Variants in PHC3 observed in about 807,000 individuals in gnomAD.
PHC3 encodes the protein polyhomeotic homolog 3, also known as polyhomeotic-like protein 3.
In PHC3, 13 loss-of-function variants were observed where a neutral mutation model predicts 107.4. The observed-to-expected ratio is 0.12, with a 90% CI of 0.08 to 0.19. The LOEUF is 0.19. PHC3 is among the 10% of genes least tolerant of loss of function. The pLI is 1.00. For synonymous variants in PHC3, 456 were observed against 427.4 expected (o/e 1.07, Z -0.83); for missense variants, 992 against 1,210.9 (o/e 0.82, Z 2.68).
In PHC3 at chr3:170,134,147, T is replaced by TA. The variant is rs1253102265; in HGVS notation, c.919+2271dup. Among the ~76,000 whole-genome samples, 1,273 of 145,510 alleles carry TA rather than the reference T, an allele frequency of 8.7e-3. 10 individuals carry two copies. Among genetic ancestry groups the TA allele is most frequent in the Middle Eastern group, 0.018 (5 of 282 alleles). ...GAGCAGCGCCTAGCACACAGAGGTT[T>TA]AAAAAAAAAAAATAAGAATTCGTGT... On this transcript the variant is annotated intron_variant, in intron 7 of 14. Transcript: ENST00000495893.
chr3:170,107,219 TA>T (rs35837798), intron 11 of PHC3, among the ~76,000 whole-genome samples: 3 of 151,596 alleles, frequency 2.0e-5, no homozygotes, highest in Admixed American at 6.6e-5. Flanking sequence ...ATCTAAAATG[TA>T]AAAAAAAATT....
chr3:170,136,868 AT>A (rs149908809), intron 6 of PHC3, among the ~76,000 whole-genome samples: 3,334 of 152,030 alleles, frequency 0.022, 59 homozygotes, highest in Non-Finnish European at 0.032. Context: ...TTAAGTGGCA[AT>A]TTTTTAAAAG....
chr3:170,133,616 C>A (rs549540258), intron 7 of PHC3, among the ~76,000 whole-genome samples: 1 of 152,144 alleles, frequency 6.6e-6, no homozygotes, highest in Non-Finnish European at 1.5e-5. Context: ...GGATTTTCTG[C>A]GTGGTTTGTT....
At chr3:170,142,982 T>C (rs1190935948) in intron 6 of PHC3, among the ~76,000 whole-genome samples, 1 of 152,062 alleles carries the variant, frequency 6.6e-6, no homozygotes, top group Admixed American at 6.6e-5. Flanking sequence ...AGGACCAGCC[T>C]GTGCAACATG....
At position 170,088,372 on chromosome 3, in the gene PHC3, TAAGC is replaced by T. The variant is rs746749094; in HGVS notation, c.*8854_*8857del. The T allele has an allele frequency of 9.2e-5, 14 of 152,180 alleles. No homozygotes were observed. Among genetic ancestry groups the T allele is most frequent in the East Asian group, 1.9e-4 (1 of 5,202 alleles). 9.4% of individuals were successfully genotyped at this position (152,180 alleles called of 1,614,324 possible). On this transcript the variant is annotated 3_prime_UTR_variant, in exon 15 of 15. Transcript: ENST00000495893. Reference sequence around the variant, plus strand: ...TTTGCTAAAATTAACAAAATTTTAATAAGCAAGACGACAAAAAGTACTAATTTAA... The same window carrying T: ...TTTGCTAAAATTAACAAAATTTTAATAAGACGACAAAAAGTACTAATTTAA...
At chr3:170,171,146 T>C (rs895409176) in intron 4 of PHC3, 17 of 570,136 alleles carry the variant, frequency 3.0e-5, no homozygotes, top group East Asian at 2.9e-4. Flanking sequence ...TCAGTGCAAA[T>C]GGATATACAA....
At chr3:170,120,025 C>G (rs185527306) in intron 9 of PHC3, among the ~76,000 whole-genome samples, 1 of 152,226 alleles carries the variant, frequency 6.6e-6, no homozygotes, top group East Asian at 1.9e-4. Flanking sequence ...TCCAATATTT[C>G]AGAAATGTTT....
chr3:170,113,161 C>T lies in PHC3; in HGVS notation c.2353+199G>A, dbSNP rs557186612. 3.9e-5 allele frequency among the ~76,000 whole-genome samples: 6 copies of T among 152,310 alleles called. No homozygotes were observed. In the South Asian group the frequency reaches 1.2e-3, roughly 32 times the overall value. On this transcript the variant is annotated intron_variant, in intron 11 of 14. Transcript: ENST00000495893. The stretch of plus-strand genomic sequence containing the variant: ...GTCAAACTGACATTGAAGAAATTAG[C>T]ACTAATCTTGCTATTTTAGTTATGT...
intron 4 of PHC3, among the ~76,000 whole-genome samples, chr3:170,168,626 C>T (rs146559819): frequency 0.033 from 5,027 of 152,070 alleles, 114 homozygotes; most frequent in Non-Finnish European, 0.053. Flanking sequence ...CGGTGGCGGG[C>T]GCCTGTAGTC....
chr3:170,173,139 G>A (rs190711923), intron 2 of PHC3, among the ~76,000 whole-genome samples: 1 of 150,926 alleles, frequency 6.6e-6, no homozygotes, highest in East Asian at 1.9e-4. Flanking sequence ...CTGCAGTTGA[G>A]CCAAGATCAT....
intron 7 of PHC3, 100 bp downstream of exon 7, chr3:170,136,319 A>G: frequency 7.3e-7 from 1 of 1,377,960 alleles, no homozygotes; most frequent in Non-Finnish European, 1.0e-6. Flanking sequence ...AAAATGTTTT[A>G]AAGGTGTCAC....
chr3:170,117,493 A>G lies in PHC3; in HGVS notation c.1943-17T>C. On this transcript the variant is annotated splice_polypyrimidine_tract_variant and intron_variant, in intron 9 of 14. Coordinates refer to ENST00000495893, the MANE Select transcript of PHC3 (RefSeq NM_024947.4). Reference sequence around the variant, plus strand: ...CCACTTGCTCTGAAAAAAAAACCAAAAAGTCATTTAAAAATTTTTTTAGCA... The same window carrying G: ...CCACTTGCTCTGAAAAAAAAACCAAGAAGTCATTTAAAAATTTTTTTAGCA... 6.3e-7 allele frequency: 1 copy of G among 1,581,970 alleles called. No homozygotes were observed. The highest frequency in any genetic ancestry group is 8.6e-7 in the Non-Finnish European group (1 of 1,167,534).
intron 4 of PHC3, among the ~76,000 whole-genome samples, chr3:170,159,433 GAA>G (rs1239019323): frequency 6.6e-6 from 1 of 151,840 alleles, no homozygotes; most frequent in African/African-American, 2.4e-5. Flanking sequence ...AGGGCTAAAA[GAA>G]AAAGTTAAGG....
At chr3:170,167,808 TC>T (rs1459763879) in intron 4 of PHC3, among the ~76,000 whole-genome samples, 2 of 151,760 alleles carry the variant, frequency 1.3e-5, no homozygotes, top group African/African-American at 4.8e-5. Context: ...ACTGAGAACT[TC>T]TGTGAATTCT....
chr3:170,128,158 T>G (rs1721661749), intron 8 of PHC3, among the ~76,000 whole-genome samples: 1 of 152,156 alleles, frequency 6.6e-6, no homozygotes, highest in South Asian at 2.1e-4. Flanking sequence ...TTTTACAAAA[T>G]TTCAACTACA....
At chr3:170,166,922 T>G (rs758942240) in intron 4 of PHC3, among the ~76,000 whole-genome samples, 2 of 152,062 alleles carry the variant, frequency 1.3e-5, no homozygotes, top group Non-Finnish European at 2.9e-5. Flanking sequence ...CCCAAAGCAC[T>G]AGGATTACAA....
intron 8 of PHC3, among the ~76,000 whole-genome samples, chr3:170,128,071 T>C (rs1378049193): frequency 5.3e-5 from 8 of 152,146 alleles, no homozygotes; most frequent in Non-Finnish European, 1.2e-4. Flanking sequence ...TAACAAACCA[T>C]TAAGTTTAAT....
At chr3:170,124,125 G>A (rs940381485) in intron 8 of PHC3, among the ~76,000 whole-genome samples, 1 of 152,072 alleles carries the variant, frequency 6.6e-6, no homozygotes, top group African/African-American at 2.4e-5. Flanking sequence ...TGGGATTACA[G>A]GCGTGAGCCA....
intron 7 of PHC3, among the ~76,000 whole-genome samples, chr3:170,131,015 A>G (rs1722167937): frequency 1.3e-5 from 2 of 152,236 alleles, no homozygotes; most frequent in East Asian, 3.9e-4. Flanking sequence ...AAAACTTTCC[A>G]CAACTTTTTA....
Sources: allele counts gnomAD v4.1 joint callset (sites outside exome capture counted in the v4.1 genomes callset), GRCh38; gene constraint gnomAD v4.1.1; transcripts MANE v1.5; gene names NCBI Gene and HGNC (gene_info 2026-07-23, HGNC 2026-07-21).